Variants in FAM135B observed in about 807,000 individuals in gnomAD.
FAM135B encodes family with sequence similarity 135 member B.
FAM135B carries 43 observed loss-of-function variants against 127.7 expected under a neutral mutation model. The observed-to-expected ratio is 0.34, with a 90% CI of 0.26 to 0.43. The LOEUF is 0.43. Ranked by LOEUF, FAM135B falls within the 20% of genes least tolerant of loss-of-function variation. FAM135B has a pLI of 1.00. For synonymous variants in FAM135B, 670 were observed against 665.1 expected (o/e 1.01, Z -0.11); for missense variants, 1,558 against 1,725.6 (o/e 0.90, Z 1.72).
At chr8:138,369,332 C>A (rs920756877) in intron 1 of FAM135B, among the ~76,000 whole-genome samples, 2 of 152,102 alleles carry the variant, frequency 1.3e-5, no homozygotes. Flanking sequence ...CTTACTGCCC[C>A]CAGATGCCTC....
chr8:138,243,682 A>G lies in FAM135B; in HGVS notation c.543-614T>C, dbSNP rs1383466799. Among the ~76,000 whole-genome samples, 1 of 152,264 alleles carries G rather than the reference A, an allele frequency of 6.6e-6. No individual in the cohort carries two copies. The highest frequency in any genetic ancestry group is 1.5e-5 in the Non-Finnish European group (1 of 68,040). ...AGATTAATGGACATATTGTGATGGC[A>G]ATGATCAATTTCAGGATCAAAGGAG... On this transcript the variant is annotated intron_variant, in intron 6 of 19. Coordinates refer to ENST00000395297, the MANE Select transcript of FAM135B (RefSeq NM_015912.4). The surrounding 1 kb of genome is among the most constrained non-coding windows in gnomAD (Gnocchi z 7.5).
At chr8:138,276,416 T>C (rs530345772) in intron 3 of FAM135B, among the ~76,000 whole-genome samples, 2 of 152,238 alleles carry the variant, frequency 1.3e-5, no homozygotes, top group Non-Finnish European at 2.9e-5. Flanking sequence ...TCACAGAATA[T>C]AGGGCGGAGT....
intron 1 of FAM135B, among the ~76,000 whole-genome samples, chr8:138,399,461 C>T (rs1484132266): frequency 6.6e-6 from 1 of 152,134 alleles, no homozygotes; most frequent in African/African-American, 2.4e-5. Flanking sequence ...CCTTAAACCC[C>T]AGGGCAGAAG....
At chr8:138,232,464 C>G (rs1257293028) in intron 7 of FAM135B, among the ~76,000 whole-genome samples, 5 of 152,152 alleles carry the variant, frequency 3.3e-5, no homozygotes, top group Non-Finnish European at 7.3e-5. Flanking sequence ...TTATATGATT[C>G]ATGAAAATGA....
At chr8:138,324,802 G>C (rs55745752) in intron 2 of FAM135B, among the ~76,000 whole-genome samples, 9 of 152,160 alleles carry the variant, frequency 5.9e-5, no homozygotes, top group Admixed American at 5.9e-4. Flanking sequence ...GTGTGTGCTC[G>C]TAACGACTAT....
intron 2 of FAM135B, among the ~76,000 whole-genome samples, chr8:138,336,401 G>A (rs566874129): frequency 1.5e-3 from 228 of 152,078 alleles, no homozygotes; most frequent in African/African-American, 4.1e-3. Flanking sequence ...TCAAATAGAC[G>A]CAATAAAAAA....
intron 1 of FAM135B, among the ~76,000 whole-genome samples, chr8:138,446,419 A>G (rs1301141058): frequency 5.9e-5 from 9 of 152,132 alleles, no homozygotes; most frequent in Admixed American, 3.9e-4. Flanking sequence ...ACAAGGCTAC[A>G]GTAACCAAAA....
chr8:138,191,957 C>T (rs1465934895), intron 9 of FAM135B, among the ~76,000 whole-genome samples: 3 of 152,232 alleles, frequency 2.0e-5, no homozygotes, highest in African/African-American at 7.2e-5. Context: ...CCTGGGCTTG[C>T]ATCACACTGG....
chr8:138,317,821 G>T (rs936172485), intron 2 of FAM135B, among the ~76,000 whole-genome samples: 3 of 152,194 alleles, frequency 2.0e-5, no homozygotes, highest in African/African-American at 7.2e-5. Context: ...CCTACCATCA[G>T]AAAATCCCAG....
chr8:138,489,124 C>A (rs1815105292), intron 1 of FAM135B, among the ~76,000 whole-genome samples: 1 of 152,158 alleles, frequency 6.6e-6, no homozygotes, highest in Admixed American at 6.5e-5. Flanking sequence ...GTGTATTCCG[C>A]CAAACTCTTT....
At chr8:138,387,678 C>T (rs973725259) in intron 1 of FAM135B, among the ~76,000 whole-genome samples, 15 of 152,104 alleles carry the variant, frequency 9.9e-5, no homozygotes, top group South Asian at 6.2e-4. Flanking sequence ...CTAGACACAG[C>T]GCTGTTATTA....
intron 1 of FAM135B, among the ~76,000 whole-genome samples, chr8:138,475,585 G>C (rs964399203): frequency 1.3e-5 from 2 of 152,068 alleles, no homozygotes; most frequent in Admixed American, 6.6e-5. Flanking sequence ...CTATCACCAC[G>C]ATCTGTCAAT....
At chr8:138,356,355 T>C (rs1039247822) in intron 2 of FAM135B, among the ~76,000 whole-genome samples, 1 of 152,090 alleles carries the variant, frequency 6.6e-6, no homozygotes, top group Non-Finnish European at 1.5e-5. Context: ...CAAGAATGAA[T>C]TCTTTCAAGT....
chr8:138,445,626 A>G (rs1440235209), intron 1 of FAM135B, among the ~76,000 whole-genome samples: 1 of 152,210 alleles, frequency 6.6e-6, no homozygotes, highest in African/African-American at 2.4e-5. Flanking sequence ...AAAACTCTCA[A>G]TAAATTAGGT....
intron 2 of FAM135B, among the ~76,000 whole-genome samples, chr8:138,319,028 T>C (rs1827270470): frequency 6.6e-6 from 1 of 152,174 alleles, no homozygotes; most frequent in Admixed American, 6.6e-5. Context: ...GATGGGAAAA[T>C]TAACATTTAG....
intron 2 of FAM135B, among the ~76,000 whole-genome samples, chr8:138,325,622 C>A (rs1827753934): frequency 6.6e-6 from 1 of 152,200 alleles, no homozygotes; most frequent in African/African-American, 2.4e-5. Flanking sequence ...TAAGCTCTTA[C>A]AAGCTGCAGG....
chr8:138,341,930 T>G (rs1829075228), intron 2 of FAM135B, among the ~76,000 whole-genome samples: 1 of 152,070 alleles, frequency 6.6e-6, no homozygotes, highest in Non-Finnish European at 1.5e-5. Flanking sequence ...TACTACACAC[T>G]ACTCTATATA....
chr8:138,211,175 T>A (rs970805963), intron 7 of FAM135B, among the ~76,000 whole-genome samples: 6 of 152,232 alleles, frequency 3.9e-5, no homozygotes, highest in African/African-American at 1.4e-4. Flanking sequence ...GTGGACCCTG[T>A]CATATAAGAA....
chr8:138,214,890 T>C (rs1393772178), intron 7 of FAM135B, among the ~76,000 whole-genome samples: 1 of 151,938 alleles, frequency 6.6e-6, no homozygotes, highest in East Asian at 1.9e-4. Context: ...AAAAAATAAG[T>C]AAGTTGGGAG....
Sources: allele counts gnomAD v4.1 joint callset (sites outside exome capture counted in the v4.1 genomes callset), GRCh38; gene constraint gnomAD v4.1.1; non-coding constraint Gnocchi (gnomAD v3.1); transcripts MANE v1.5; gene names NCBI Gene and HGNC (gene_info 2026-07-23, HGNC 2026-07-21).